The following DUSP13B variants were observed in gnomAD, a reference collection of about 807,000 sequenced individuals.
The protein encoded by DUSP13B is dual specificity phosphatase 13B, also known as dual specificity protein phosphatase 13B.
the DUSP13B span, chr10:75,097,960 G>A: frequency 1.0e-5 from 14 of 1,366,908 alleles, no homozygotes; most frequent in African/African-American, 2.1e-4. Context: ...GGAAGCCCAT[G>A]GTGCAGTGCC....
chr10:75,108,603 C>G, the DUSP13B span, among the ~76,000 whole-genome samples: 1 of 152,106 alleles, frequency 6.6e-6, no homozygotes, highest in Non-Finnish European at 1.5e-5. Context: ...TGTTTAGAGG[C>G]AACACCTTCT....
the DUSP13B span, among the ~76,000 whole-genome samples, chr10:75,106,099 TTC>T: frequency 1.8e-4 from 18 of 98,266 alleles, 1 homozygote; most frequent in African/African-American, 5.1e-4. Context: ...TTTCTTTCTT[TTC>T]TTTTTTTTTT....
At chr10:75,101,086 T>C in the DUSP13B span, among the ~76,000 whole-genome samples, 1 of 150,768 alleles carries the variant, frequency 6.6e-6, no homozygotes, top group Non-Finnish European at 1.5e-5. Flanking sequence ...CAGTGAGGAG[T>C]GTGGGGAGAA....
chr10:75,103,212 T>C, the DUSP13B span, among the ~76,000 whole-genome samples: 1 of 152,116 alleles, frequency 6.6e-6, no homozygotes, highest in Non-Finnish European at 1.5e-5. Context: ...TAGCCAAAAA[T>C]CACATGTAAA....
chr10:75,099,564 G>A, the DUSP13B span: 3 of 1,229,162 alleles, frequency 2.4e-6, no homozygotes, highest in East Asian at 1.0e-4. Context: ...GCTGGCTGGG[G>A]CGCCCATGGG....
the DUSP13B span, chr10:75,099,037 G>A: frequency 4.1e-6 from 5 of 1,232,360 alleles, no homozygotes; most frequent in East Asian, 6.3e-5. Context: ...TTACCCCCAC[G>A]ACTCAGGCCA....
At chr10:75,096,763 A>G in the DUSP13B span, among the ~76,000 whole-genome samples, 2 of 152,162 alleles carry the variant, frequency 1.3e-5, no homozygotes, top group African/African-American at 4.8e-5. Context: ...ATAAATAAAA[A>G]TTTTAAAATG....
chr10:75,096,312 T>C, the DUSP13B span, among the ~76,000 whole-genome samples: 2 of 151,246 alleles, frequency 1.3e-5, no homozygotes, highest in East Asian at 3.9e-4. Context: ...CACTGTGGCT[T>C]ATGCCTATAA....
At chr10:75,096,372 T>A in the DUSP13B span, among the ~76,000 whole-genome samples, 23 of 151,718 alleles carry the variant, frequency 1.5e-4, no homozygotes, top group Middle Eastern at 6.8e-3. Flanking sequence ...AGCTCAGGAG[T>A]TCGAGACCAG....
the DUSP13B span, among the ~76,000 whole-genome samples, chr10:75,106,857 T>A: frequency 6.6e-6 from 1 of 152,206 alleles, no homozygotes; most frequent in Non-Finnish European, 1.5e-5. Flanking sequence ...ATGTGAGCTG[T>A]AATCTTGTCA....
the DUSP13B span, among the ~76,000 whole-genome samples, chr10:75,102,455 A>G: frequency 6.6e-6 from 1 of 152,142 alleles, no homozygotes; most frequent in Non-Finnish European, 1.5e-5. Flanking sequence ...AAAGAAAAAA[A>G]GAAAAAACAA....
chr10:75,105,367 C>T, the DUSP13B span, among the ~76,000 whole-genome samples: 11 of 152,266 alleles, frequency 7.2e-5, no homozygotes, highest in Admixed American at 2.0e-4. Flanking sequence ...TCCACACCCT[C>T]GCATCCTAGT....
the DUSP13B span, among the ~76,000 whole-genome samples, chr10:75,100,350 GT>G: frequency 1.3e-5 from 2 of 152,214 alleles, no homozygotes; most frequent in Middle Eastern, 3.4e-3. Context: ...TGCTCAGGGT[GT>G]TGCCCCACCT....
chr10:75,108,119 G>T, the DUSP13B span: 11 of 1,613,664 alleles, frequency 6.8e-6, no homozygotes, highest in South Asian at 6.6e-5. Context: ...AGAAGTCAGG[G>T]CCGCCCTGAC....
chr10:75,099,110 AG>A, the DUSP13B span: 7 of 1,232,280 alleles, frequency 5.7e-6, no homozygotes, highest in Non-Finnish European at 7.1e-6. Flanking sequence ...TGGCTGAAGG[AG>A]TCAGGGACCC....
At chr10:75,106,496 G>A in the DUSP13B span, among the ~76,000 whole-genome samples, 36 of 152,194 alleles carry the variant, frequency 2.4e-4, no homozygotes, top group Non-Finnish European at 3.5e-4. Context: ...TTTCTTGACC[G>A]CTCAAAGTAT....
chr10:75,097,759 T>C, the DUSP13B span: 1 of 1,613,698 alleles, frequency 6.2e-7, no homozygotes, highest in Non-Finnish European at 8.5e-7. Context: ...TATGGTTCAG[T>C]GTGGCAGCCT....
chr10:75,099,503 G>A, the DUSP13B span: 6 of 1,231,780 alleles, frequency 4.9e-6, no homozygotes, highest in African/African-American at 9.3e-5. Context: ...AACAGGGCTG[G>A]GCAGGTTCTG....
the DUSP13B span, among the ~76,000 whole-genome samples, chr10:75,107,825 C>T: frequency 6.6e-6 from 1 of 152,186 alleles, no homozygotes. Context: ...GATCCACCCA[C>T]CTCGGCCTCC....
Sources: allele counts gnomAD v4.1 joint callset (sites outside exome capture counted in the v4.1 genomes callset), GRCh38; gene constraint gnomAD v4.1.1; transcripts MANE v1.5; gene names NCBI Gene and HGNC (gene_info 2026-07-23, HGNC 2026-07-21).